Variants in NUP210 observed in about 807,000 individuals in gnomAD.
NUP210 encodes the protein nucleoporin 210.
In NUP210, 151 loss-of-function variants were observed where a neutral mutation model predicts 196.0. The ratio of observed to expected loss-of-function variants is 0.77; its 90% CI spans 0.67 to 0.88. The LOEUF is 0.88. Ranked by LOEUF, NUP210 falls within the 40% of genes least tolerant of loss-of-function variation. The probability of loss-of-function intolerance (pLI) is 0.00; values close to 1 mark genes in which losing one functional copy is unlikely to be tolerated. For missense variants in NUP210, 2,314 were observed against 2,493.7 expected (o/e 0.93, Z 1.53); for synonymous variants, 1,070 against 1,052.7 (o/e 1.02, Z -0.32).
chr3:13,344,277 T>C (rs1010747213), intron 20 of NUP210, among the ~76,000 whole-genome samples: 8 of 152,238 alleles, frequency 5.3e-5, no homozygotes, highest in Admixed American at 3.3e-4. Flanking sequence ...TTCACACAAG[T>C]AACATGTCTG....
intron 1 of NUP210, among the ~76,000 whole-genome samples, 168 bp downstream of exon 1, chr3:13,419,892 T>C (rs954941069): frequency 4.0e-5 from 6 of 150,776 alleles, no homozygotes; most frequent in African/African-American, 1.5e-4. Flanking sequence ...ACATGAGCAG[T>C]GGTGGCGACC....
intron 3 of NUP210, 58 bp downstream of exon 3, chr3:13,397,299 G>A: frequency 6.4e-7 from 1 of 1,572,918 alleles, no homozygotes; most frequent in Non-Finnish European, 8.6e-7. Flanking sequence ...CCAGAGTCAT[G>A]GTGGGGGGAT....
chr3:13,328,842 A>G lies in NUP210; in HGVS notation c.4215T>C (p.Thr1405=), dbSNP rs1331160997. ...AVPLGMTVTF[T]VHFHDNSGDV... ...CTCCAGAGTTGTCGTGGAAGTGGACAGTGAAGGTCACGGTCATTCCCAAAG... is the reference window on the plus strand; with the variant it reads ...CTCCAGAGTTGTCGTGGAAGTGGACGGTGAAGGTCACGGTCATTCCCAAAG... Residue 1405 remains threonine, a synonymous_variant, in exon 31 of 40, where the codon ACT becomes ACC. Transcript: ENST00000254508. 1 of 1,614,152 alleles carries G rather than the reference A, an allele frequency of 6.2e-7. No homozygotes were observed. Among genetic ancestry groups the G allele is most frequent in the African/African-American group, 1.3e-5 (1 of 75,052 alleles).
chr3:13,343,333 G>GT, intron 20 of NUP210, 30 bp from the exon 21 acceptor site: 1 of 1,593,596 alleles, frequency 6.3e-7, no homozygotes, highest in Non-Finnish European at 8.6e-7. Context: ...GTGGAGGGGT[G>GT]GGTGGTGGGT....
At chr3:13,344,040 ATT>A (rs1697626495) in intron 20 of NUP210, among the ~76,000 whole-genome samples, 1 of 151,998 alleles carries the variant, frequency 6.6e-6, no homozygotes, top group Non-Finnish European at 1.5e-5. Context: ...CCCTTTTAAC[ATT>A]TGTTTATTTT....
In NUP210 at chr3:13,317,174, G is replaced by A. The variant is rs1399717182; in HGVS notation, c.*507C>T. Reference sequence around the variant, plus strand: ...GATACAGGGACACTCATGTCCCATTGCTCCTCAGAAGTCCTAGCAGCAGCC... The same window carrying A: ...GATACAGGGACACTCATGTCCCATTACTCCTCAGAAGTCCTAGCAGCAGCC... On this transcript the variant is annotated 3_prime_UTR_variant, in exon 40 of 40. Transcript: ENST00000254508. 1 of 166,492 alleles carries A rather than the reference G, an allele frequency of 6.0e-6. No homozygotes were observed. Among genetic ancestry groups the A allele is most frequent in the Admixed American group, 5.7e-5 (1 of 17,552 alleles). The allele number at this position is 166,492 out of a possible 1,614,324, so 10.3% of individuals were successfully genotyped here.
At chr3:13,372,814 G>T (rs961899583) in intron 12 of NUP210, among the ~76,000 whole-genome samples, 11 of 152,188 alleles carry the variant, frequency 7.2e-5, no homozygotes, top group Admixed American at 5.2e-4. Flanking sequence ...CCGGAAGCCA[G>T]GTTCTACCCA....
intron 18 of NUP210, among the ~76,000 whole-genome samples, chr3:13,352,784 C>T (rs1698024354): frequency 6.6e-6 from 1 of 152,066 alleles, no homozygotes; most frequent in Non-Finnish European, 1.5e-5. Context: ...CTCCAATGCA[C>T]GGATGGAAGA....
At chr3:13,355,398 A>G (rs1161547416) in intron 16 of NUP210, among the ~76,000 whole-genome samples, 3 of 152,146 alleles carry the variant, frequency 2.0e-5, no homozygotes, top group Non-Finnish European at 4.4e-5. Context: ...CATGATCAAC[A>G]TGGTGGCTGC....
At chr3:13,377,061 C>G (rs556132658) in intron 9 of NUP210, among the ~76,000 whole-genome samples, 16 of 152,292 alleles carry the variant, frequency 1.1e-4, no homozygotes, top group Admixed American at 8.5e-4. Context: ...GAACCCAGTA[C>G]GGAGAAAGCC....
At chr3:13,416,110 A>G (rs6763216) in intron 1 of NUP210, among the ~76,000 whole-genome samples, 98,674 of 152,008 alleles carry the variant, frequency 0.65, 33,451 homozygotes, top group African/African-American at 0.85. Flanking sequence ...ACTCCCATCT[A>G]CCTGTTTGAG....
chr3:13,372,484 G>A (rs1559333740), intron 12 of NUP210, among the ~76,000 whole-genome samples: 1 of 152,214 alleles, frequency 6.6e-6, no homozygotes, highest in Non-Finnish European at 1.5e-5. Flanking sequence ...GTACCGATCA[G>A]CAGCCAGGTG....
At position 13,410,019 on chromosome 3, in the gene NUP210, AT is replaced by A. The variant is rs34707109; in HGVS notation, c.167+10040del. Among the ~76,000 whole-genome samples, 1,108 of 137,944 alleles carry A rather than the reference AT, an allele frequency of 8.0e-3. 2 individuals are homozygous for A. The highest frequency in any genetic ancestry group is 8.3e-3 in the African/African-American group (315 of 37,930). The allele number at this position is 137,944 out of a possible 152,430, so 90.5% of individuals were successfully genotyped here. On this transcript the variant is annotated intron_variant, in intron 1 of 39. Transcript: ENST00000254508. The stretch of plus-strand genomic sequence containing the variant: ...TAATTTTTAGCACGTCACCCAGCTA[AT>A]TTTTTTTTTTTTTTTTGTATTTTAG...
intron 20 of NUP210, among the ~76,000 whole-genome samples, chr3:13,346,059 T>C (rs1055762461): frequency 2.6e-5 from 4 of 152,224 alleles, no homozygotes; most frequent in African/African-American, 9.7e-5. Context: ...AAGAACCATC[T>C]TGCACATTTT....
Position 13,351,964 on chromosome 3 carries a change from C to T in NUP210, c.2750G>A (p.Arg917Lys). 1 of 1,611,584 alleles carries T rather than the reference C, an allele frequency of 6.2e-7. No individual in the cohort carries two copies. The highest frequency in any genetic ancestry group is 8.5e-7 in the Non-Finnish European group (1 of 1,178,184). The change falls in exon 20 of 40, where the codon AGG becomes AAG. Residue 917 changes from arginine (R) to lysine (K), a missense_variant. Transcript: ENST00000254508. ...HPGIQAELRI[R>K]EGSGYFFLNT... ...GAGGAAGAAGTAACCTGAGCCTTCC[C>T]TGATGCGGAGCTCTGCCTGCAGGAG...
At chr3:13,392,413 A>G (rs4684132) in intron 3 of NUP210, among the ~76,000 whole-genome samples, 10,356 of 152,262 alleles carry the variant, frequency 0.068, 644 homozygotes, top group African/African-American at 0.16. Flanking sequence ...TCTATGATGT[A>G]CATATATGCG....
chr3:13,410,670 C>A (rs1267027570), intron 1 of NUP210, among the ~76,000 whole-genome samples: 1 of 150,982 alleles, frequency 6.6e-6, no homozygotes, highest in Non-Finnish European at 1.5e-5. Context: ...GTAATCCCAG[C>A]ACTTTGGGAG....
At position 13,353,640 on chromosome 3, in the gene NUP210, G is replaced by A; in HGVS notation, c.2542C>T (p.His848Tyr). 1 of 1,614,066 alleles carries A rather than the reference G, an allele frequency of 6.2e-7. No individual in the cohort carries two copies. The highest frequency in any genetic ancestry group is 8.5e-7 in the Non-Finnish European group (1 of 1,179,962). The change falls in exon 18 of 40, where the codon CAC (histidine) becomes TAC (tyrosine). Residue 848 changes from histidine (H) to tyrosine (Y), a missense_variant. Transcript: ENST00000254508. ...KLHGLQAILV[H>Y]EASGTTAITA... ...ATGGCTGTGGTTCCTGATGCCTCGT[G>A]AACCAAAATGGCCTGCAAACCTGAG...
At chr3:13,396,436 A>T (rs1156714768) in intron 3 of NUP210, among the ~76,000 whole-genome samples, 1 of 152,036 alleles carries the variant, frequency 6.6e-6, no homozygotes, top group Non-Finnish European at 1.5e-5. Context: ...TTCTCTGACA[A>T]GAATTTTAAC....
Sources: allele counts gnomAD v4.1 joint callset (sites outside exome capture counted in the v4.1 genomes callset), GRCh38; gene constraint gnomAD v4.1.1; transcripts MANE v1.5; gene names NCBI Gene and HGNC (gene_info 2026-07-23, HGNC 2026-07-21).